The following OPCML variants were observed in gnomAD, a reference collection of about 807,000 sequenced individuals.
OPCML encodes the protein opioid binding protein/cell adhesion molecule like.
A neutral mutation model predicts 37.8 loss-of-function variants in OPCML; 13 were observed. The observed-to-expected ratio is 0.34, with a 90% CI of 0.22 to 0.55. The LOEUF is 0.55. OPCML is among the 20% of genes least tolerant of loss of function. The pLI is 0.91. For missense variants in OPCML, 341 were observed against 435.6 expected (o/e 0.78, Z 1.93); for synonymous variants, 176 against 168.8 (o/e 1.04, Z -0.33).
intron 1 of OPCML, among the ~76,000 whole-genome samples, chr11:133,085,058 T>C (rs1383601110): frequency 6.6e-6 from 1 of 152,246 alleles, no homozygotes; most frequent in Non-Finnish European, 1.5e-5. Flanking sequence ...TTTCCGTTTA[T>C]GTAAAATCCA....
chr11:133,365,305 T>G (rs1944515230), intron 1 of OPCML: 2 of 152,624 alleles, frequency 1.3e-5, no homozygotes, highest in Non-Finnish European at 2.9e-5. Context: ...AACAGCGAAC[T>G]TACATTTCTC....
chr11:133,366,142 C>T (rs1485501491), intron 1 of OPCML: 1 of 152,234 alleles, frequency 6.6e-6, no homozygotes, highest in Non-Finnish European at 1.5e-5. Context: ...AAATATGTTA[C>T]CACCTCCTTC....
At chr11:132,765,434 C>T (rs762104641) in intron 2 of OPCML, among the ~76,000 whole-genome samples, 69 of 152,192 alleles carry the variant, frequency 4.5e-4, no homozygotes, top group Non-Finnish European at 7.9e-4. Flanking sequence ...TTATCAACCA[C>T]GAGGCATGAG....
At chr11:133,054,812 C>T (rs920246070) in intron 1 of OPCML, among the ~76,000 whole-genome samples, 1 of 152,064 alleles carries the variant, frequency 6.6e-6, no homozygotes, top group Non-Finnish European at 1.5e-5. Context: ...ATGCTGCCTC[C>T]ATGATACTTC....
rs994106769 is a variant in OPCML at position 133,212,520 on chromosome 11, G to A, written c.62-269510C>T. 4.6e-5 allele frequency among the ~76,000 whole-genome samples: 7 copies of A among 152,184 alleles called. No individual in the cohort carries two copies. Among genetic ancestry groups the A allele is most frequent in the South Asian group, 2.1e-4 (1 of 4,808 alleles). On this transcript the variant is annotated intron_variant, in intron 1 of 7. Transcript: ENST00000524381. This position sits in a 1 kb window ranked among gnomAD's most constrained non-coding sequence, Gnocchi z 4.9. ...CTCATCTTCCAGAACGCCGACCCTC[G>A]GCACCCTATTGAAGTTGTAACCTAC...
chr11:133,147,642 C>T (rs1949916378), intron 1 of OPCML, among the ~76,000 whole-genome samples: 2 of 152,146 alleles, frequency 1.3e-5, no homozygotes, highest in South Asian at 4.1e-4. Context: ...CCTGATACTT[C>T]ACAGGGGCTC....
intron 1 of OPCML, among the ~76,000 whole-genome samples, chr11:133,285,441 T>C (rs559836339): frequency 1.3e-5 from 2 of 152,202 alleles, no homozygotes; most frequent in South Asian, 2.1e-4. Flanking sequence ...GACCCGTACG[T>C]GGGGAATCTT....
intron 1 of OPCML, among the ~76,000 whole-genome samples, chr11:133,040,031 A>C (rs996793348): frequency 5.3e-5 from 8 of 151,776 alleles, no homozygotes; most frequent in Non-Finnish European, 1.2e-4. Context: ...TCCATCTCAA[A>C]AAAAAAAAGA....
intron 1 of OPCML, among the ~76,000 whole-genome samples, chr11:133,267,503 C>A (rs2136471337): frequency 6.6e-6 from 1 of 152,278 alleles, no homozygotes; most frequent in African/African-American, 2.4e-5. Context: ...GTACCTGCAT[C>A]ATAACAGGCA....
intron 1 of OPCML, among the ~76,000 whole-genome samples, chr11:133,530,583 C>T (rs1400078207): frequency 2.0e-5 from 3 of 152,236 alleles, no homozygotes; most frequent in Non-Finnish European, 4.4e-5. Flanking sequence ...CAGGCAGGTA[C>T]TGAGTGTTCC....
At chr11:133,487,009 G>A (rs183518525) in intron 1 of OPCML, among the ~76,000 whole-genome samples, 1 of 151,842 alleles carries the variant, frequency 6.6e-6, no homozygotes, top group Admixed American at 6.6e-5. Context: ...CTCTGATACT[G>A]CCATATTCCA....
At chr11:132,970,513 C>T (rs1946317388) in intron 1 of OPCML, among the ~76,000 whole-genome samples, 1 of 152,144 alleles carries the variant, frequency 6.6e-6, no homozygotes, top group African/African-American at 2.4e-5. Flanking sequence ...CCTTTGGAAT[C>T]TCAGTATTAT....
chr11:132,764,015 A>T (rs575049600), intron 2 of OPCML, among the ~76,000 whole-genome samples: 1 of 152,368 alleles, frequency 6.6e-6, no homozygotes, highest in South Asian at 2.1e-4. Flanking sequence ...CCTCAAAGGC[A>T]TTATGCCAGT....
intron 1 of OPCML, among the ~76,000 whole-genome samples, chr11:133,246,490 G>A (rs1940930388): frequency 6.6e-6 from 1 of 152,200 alleles, no homozygotes; most frequent in African/African-American, 2.4e-5. Context: ...AAGTTGCAGG[G>A]GGACAGTATT....
chr11:132,560,180 C>A (rs1460224582), intron 3 of OPCML, among the ~76,000 whole-genome samples: 5 of 152,114 alleles, frequency 3.3e-5, no homozygotes, highest in Non-Finnish European at 5.9e-5. Flanking sequence ...AAATCTCTAC[C>A]ATGACTTGGG....
chr11:132,576,378 T>C (rs112288177), intron 3 of OPCML, among the ~76,000 whole-genome samples: 2,125 of 152,188 alleles, frequency 0.014, 29 homozygotes, highest in African/African-American at 0.037. Context: ...TCTTAGCATT[T>C]GCAAATCCTT....
intron 1 of OPCML, among the ~76,000 whole-genome samples, chr11:133,379,676 ATTT>A (rs1944891896): frequency 1.3e-5 from 2 of 152,176 alleles, no homozygotes; most frequent in South Asian, 4.1e-4. Context: ...TAAGTTCAGT[ATTT>A]TGCAAGCTAT....
At chr11:133,155,159 G>A (rs1358146895) in intron 1 of OPCML, among the ~76,000 whole-genome samples, 1 of 152,148 alleles carries the variant, frequency 6.6e-6, no homozygotes, top group African/African-American at 2.4e-5. Context: ...CAGTCTGTGA[G>A]AGGAGGGACT....
chr11:132,721,120 T>C (rs1565806447), intron 2 of OPCML, among the ~76,000 whole-genome samples: 1 of 152,226 alleles, frequency 6.6e-6, no homozygotes, highest in Non-Finnish European at 1.5e-5. Context: ...CATTCATTCA[T>C]TCATTCAACA....
Sources: allele counts gnomAD v4.1 joint callset (sites outside exome capture counted in the v4.1 genomes callset), GRCh38; gene constraint gnomAD v4.1.1; non-coding constraint Gnocchi (gnomAD v3.1); transcripts MANE v1.5; gene names NCBI Gene and HGNC (gene_info 2026-07-23, HGNC 2026-07-21).